The following PLPP3 variants were observed in gnomAD, a reference collection of about 807,000 sequenced individuals.
PLPP3 encodes PAP2 beta.
PLPP3 carries 6 observed loss-of-function variants against 29.6 expected under a neutral mutation model. That is an observed-to-expected ratio of 0.20 (90% CI 0.11 to 0.40). PLPP3 has a LOEUF of 0.40. Ranked by LOEUF, PLPP3 falls within the 10% of genes least tolerant of loss-of-function variation. The probability of loss-of-function intolerance (pLI) is 1.00; values close to 1 mark genes in which losing one functional copy is unlikely to be tolerated. For missense variants in PLPP3, 308 were observed against 407.7 expected, an observed-to-expected ratio of 0.76 and a Z score of 2.11; for synonymous variants, 152 against 159.7, an observed-to-expected ratio of 0.95 and a Z score of 0.36.
At chr1:56,539,644 T>C (rs1449260637) in intron 1 of PLPP3, among the ~76,000 whole-genome samples, 1 of 152,206 alleles carries the variant, frequency 6.6e-6, no homozygotes, top group African/African-American at 2.4e-5. Flanking sequence ...TTTAAAACTT[T>C]GTCTCTGCAA....
chr1:56,535,166 T>C (rs942889534), intron 2 of PLPP3, among the ~76,000 whole-genome samples: 1 of 152,206 alleles, frequency 6.6e-6, no homozygotes, highest in Non-Finnish European at 1.5e-5. Context: ...AGTATCTCTA[T>C]GTAACAGATG....
chr1:56,501,798 G>GA (rs869047676), intron 5 of PLPP3, among the ~76,000 whole-genome samples: 1 of 152,106 alleles, frequency 6.6e-6, no homozygotes, highest in Non-Finnish European at 1.5e-5. Context: ...AGAGAGGGGG[G>GA]AAAAAAGAGT....
chr1:56,578,126 G>A (rs1646248662), intron 1 of PLPP3, among the ~76,000 whole-genome samples: 1 of 152,062 alleles, frequency 6.6e-6, no homozygotes, highest in Admixed American at 6.5e-5. Context: ...TTCTGGGGGC[G>A]CAATTAAATT....
chr1:56,499,462 G>A (rs947615166), intron 5 of PLPP3, among the ~76,000 whole-genome samples: 1 of 152,118 alleles, frequency 6.6e-6, no homozygotes, highest in Non-Finnish European at 1.5e-5. Context: ...TTTGAGCCCT[G>A]TACACAATAA....
rs1308772478 is a variant in PLPP3 at position 56,579,109 on chromosome 1, C to G, written c.-93G>C. 1.3e-6 allele frequency: 2 copies of G among 1,527,302 alleles called. No individual in the cohort carries two copies. Among genetic ancestry groups the G allele is most frequent in the African/African-American group, 2.9e-5 (2 of 68,930 alleles). The allele number at this position is 1,527,302 out of a possible 1,614,324, so 94.6% of individuals were successfully genotyped here. ...CGCCCGGGTCGCCTCCTGGCCGAGG[C>G]TGCTGCGGATAGTGGCGGGTCGGCC... On this transcript the variant is annotated 5_prime_UTR_variant, in exon 1 of 6. Transcript: ENST00000371250.
intron 1 of PLPP3, among the ~76,000 whole-genome samples, chr1:56,551,189 T>C (rs11206841): frequency 0.15 from 22,367 of 152,108 alleles, 2,927 homozygotes; most frequent in East Asian, 0.5. Flanking sequence ...ACAGGTATCC[T>C]TGCGCACAAT....
Position 56,576,879 on chromosome 1 carries a change from C to T in PLPP3, c.139+1999G>A, listed in dbSNP as rs189664501. Among the ~76,000 whole-genome samples the T allele has an allele frequency of 3.0e-4, 46 of 152,248 alleles. No homozygotes were observed. In the East Asian group the frequency reaches 7.7e-3, roughly 26 times the overall value. On this transcript the variant is annotated intron_variant, in intron 1 of 5. Coordinates refer to ENST00000371250, the MANE Select transcript of PLPP3 (RefSeq NM_003713.5). Reference sequence around the variant, plus strand: ...AACAGAGTAGCTTGGGTTTTTACATCCCTGGCTAAACTACAGCTGATGGTT... The same window carrying T: ...AACAGAGTAGCTTGGGTTTTTACATTCCTGGCTAAACTACAGCTGATGGTT...
In PLPP3 at chr1:56,557,022, G is replaced by GAAA. The variant is rs1366799695; in HGVS notation, c.140-19911_140-19910insTTT. ...AGAAAGAAAGAAAGAGAGAGAGAGA[G>GAAA]AGAAAGAGAGAGAGAGAGAGAGAGA... On this transcript the variant is annotated intron_variant, in intron 1 of 5. Transcript: ENST00000371250. 5.7e-3 allele frequency among the ~76,000 whole-genome samples: 74 copies of GAAA among 12,996 alleles called. 1 individual carries two copies. Among genetic ancestry groups the GAAA allele is most frequent in the African/African-American group, 8.6e-3 (42 of 4,858 alleles). The allele number at this position is 12,996 out of a possible 152,430, so 8.5% of individuals were successfully genotyped here. A position where few individuals can be genotyped will look rare whatever the true frequency, so the allele number is the denominator to read the frequency against.
At chr1:56,504,378 G>A (rs1645687992) in intron 5 of PLPP3, among the ~76,000 whole-genome samples, 1 of 152,110 alleles carries the variant, frequency 6.6e-6, no homozygotes, top group Non-Finnish European at 1.5e-5. Flanking sequence ...AATATTCATA[G>A]GCTATTAGGG....
chr1:56,538,963 A>AAAAAAAAAAAAAAAAAAAAG, intron 1 of PLPP3: 1 of 150,890 alleles, frequency 6.6e-6, no homozygotes, highest in Non-Finnish European at 1.5e-5. Flanking sequence ...GGGCTGCAAA[A>AAAAAAAAAAAAAAAAAAAAG]AAAAAAAACA....
intron 1 of PLPP3, among the ~76,000 whole-genome samples, chr1:56,550,913 C>T (rs1167001439): frequency 2.0e-5 from 3 of 152,120 alleles, no homozygotes; most frequent in African/African-American, 7.2e-5. Flanking sequence ...GGAAGAATCC[C>T]CAACTGGAAT....
In PLPP3 at chr1:56,520,597, C is replaced by T. The variant is rs116611206; in HGVS notation, c.633+3226G>A. Among the ~76,000 whole-genome samples, 572 of 118,738 alleles carry T rather than the reference C, an allele frequency of 4.8e-3. 7 individuals carry two copies. The highest frequency in any genetic ancestry group is 0.016 in the African/African-American group (535 of 33,582). The allele number at this position is 118,738 out of a possible 152,430, so 77.9% of individuals were successfully genotyped here. ...TTTGCAAATCAGCCAAACCTAGTGG[C>T]TCATGCCTGTAATCCCAACACTTTG... On this transcript the variant is annotated intron_variant, in intron 4 of 5. Coordinates refer to ENST00000371250, the MANE Select transcript of PLPP3 (RefSeq NM_003713.5).
chr1:56,556,528 T>C (rs1646077676), intron 1 of PLPP3, among the ~76,000 whole-genome samples: 2 of 152,212 alleles, frequency 1.3e-5, no homozygotes, highest in African/African-American at 4.8e-5. Context: ...TGATGTTCCC[T>C]GTCTTTTCCA....
Position 56,510,397 on chromosome 1 carries a change from A to T in PLPP3, c.810+1579T>A, listed in dbSNP as rs958037434. Among the ~76,000 whole-genome samples, 6 of 152,256 alleles carry T rather than the reference A, an allele frequency of 3.9e-5. No homozygotes were observed. In the East Asian group the frequency reaches 1.2e-3, roughly 29 times the overall value. ...AAAAGAAAAAGAAAGCAAGGGAGAAAGCCATTAAAACAGCCAGTCCAGTAG... is the reference window on the plus strand; with the variant it reads ...AAAAGAAAAAGAAAGCAAGGGAGAATGCCATTAAAACAGCCAGTCCAGTAG... On this transcript the variant is annotated intron_variant, in intron 5 of 5. Transcript: ENST00000371250.
chr1:56,504,508 G>A (rs1262175186), intron 5 of PLPP3, among the ~76,000 whole-genome samples: 1 of 152,112 alleles, frequency 6.6e-6, no homozygotes. Flanking sequence ...AACAAAGGCA[G>A]GGGACCCCAT....
rs766733473 is a variant in PLPP3, at chr1:56,578,869, T to C, written c.139+9A>G. 5.8e-6 allele frequency: 9 copies of C among 1,555,892 alleles called. No homozygotes were observed. In the South Asian group the frequency reaches 1.0e-4, roughly 18 times the overall value. On this transcript the variant is annotated intron_variant, in intron 1 of 5. Transcript: ENST00000371250. ...CCGAGGGGCCGAGGGACAGCGGGGC[T>C]GGGCTCACCCATGAAGAGGCAGAAG... is the stretch of plus-strand genomic sequence containing the variant.
At chr1:56,561,722 T>G (rs545762352) in intron 1 of PLPP3, among the ~76,000 whole-genome samples, 4 of 152,032 alleles carry the variant, frequency 2.6e-5, no homozygotes, top group African/African-American at 9.7e-5. Context: ...GGATTTGAAG[T>G]GACTATCAAG....
intron 4 of PLPP3, among the ~76,000 whole-genome samples, chr1:56,517,189 C>A (rs1405526417): frequency 6.6e-6 from 1 of 152,232 alleles, no homozygotes; most frequent in Non-Finnish European, 1.5e-5. Flanking sequence ...TAGGTCCCTG[C>A]CTACCCTCTT....
At chr1:56,540,255 C>CTA (rs1448931742) in intron 1 of PLPP3, among the ~76,000 whole-genome samples, 1 of 152,072 alleles carries the variant, frequency 6.6e-6, no homozygotes, top group Non-Finnish European at 1.5e-5. Context: ...TGAGGCTTAA[C>CTA]TATATATATT....
Sources: allele counts gnomAD v4.1 joint callset (sites outside exome capture counted in the v4.1 genomes callset), GRCh38; gene constraint gnomAD v4.1.1; transcripts MANE v1.5; gene names NCBI Gene and HGNC (gene_info 2026-07-23, HGNC 2026-07-21).